PPARGC1A: variants seen among roughly 807,000 people sequenced by gnomAD.
PPARGC1A encodes the protein peroxisome proliferator-activated receptor gamma coactivator 1-alpha.
Under a neutral mutation model 88.7 loss-of-function variants are expected in PPARGC1A, and 25 were observed. The ratio of observed to expected loss-of-function variants is 0.28; its 90% CI spans 0.21 to 0.39. The LOEUF is 0.39. PPARGC1A is among the 10% of genes least tolerant of loss of function. The pLI, the probability that PPARGC1A is intolerant of heterozygous loss-of-function variation, is 1.00. For missense variants in PPARGC1A, 880 were observed against 968.7 expected (o/e 0.91, Z 1.22); for synonymous variants, 363 against 355.6 (o/e 1.02, Z -0.24).
chr4:23,959,524 C>T, the PPARGC1A span, among the ~76,000 whole-genome samples: 1 of 151,992 alleles, frequency 6.6e-6, no homozygotes, highest in African/African-American at 2.4e-5. Flanking sequence ...GTAAAAAATC[C>T]ACTCTGTTTC....
At chr4:24,126,023 G>A in the PPARGC1A span, among the ~76,000 whole-genome samples, 2 of 152,182 alleles carry the variant, frequency 1.3e-5, no homozygotes, top group African/African-American at 4.8e-5. Flanking sequence ...ACCTATTGAT[G>A]TAGTCATCAT....
chr4:24,308,160 C>A, the PPARGC1A span, among the ~76,000 whole-genome samples: 1 of 151,854 alleles, frequency 6.6e-6, no homozygotes, highest in Non-Finnish European at 1.5e-5. Flanking sequence ...GGTGTGGTGG[C>A]ACATGCCTGT....
the PPARGC1A span, among the ~76,000 whole-genome samples, chr4:24,126,055 GA>G: frequency 2.6e-5 from 4 of 152,096 alleles, no homozygotes; most frequent in African/African-American, 9.7e-5. Flanking sequence ...TACAGACAAG[GA>G]AAAGAAAATT....
the PPARGC1A span, among the ~76,000 whole-genome samples, chr4:24,434,515 T>C: frequency 6.6e-6 from 1 of 152,202 alleles, no homozygotes. Flanking sequence ...TTCCAGGCGA[T>C]ATCAGCTGCC....
the PPARGC1A span, among the ~76,000 whole-genome samples, chr4:24,144,553 T>G: frequency 6.6e-6 from 1 of 151,906 alleles, no homozygotes; most frequent in African/African-American, 2.4e-5. Context: ...TGCTGTACCG[T>G]GTCCAGGGAT....
chr4:24,250,477 A>G, the PPARGC1A span, among the ~76,000 whole-genome samples: 3 of 152,236 alleles, frequency 2.0e-5, no homozygotes, highest in African/African-American at 7.2e-5. Flanking sequence ...AAGGTAAATT[A>G]AAATGCCATC....
At chr4:24,070,622 G>T in the PPARGC1A span, among the ~76,000 whole-genome samples, 4 of 152,126 alleles carry the variant, frequency 2.6e-5, no homozygotes, top group South Asian at 8.3e-4. Context: ...AATTCTAGAA[G>T]AATCATTTGT....
chr4:24,039,083 T>C, the PPARGC1A span, among the ~76,000 whole-genome samples: 9 of 152,286 alleles, frequency 5.9e-5, no homozygotes, highest in East Asian at 1.7e-3. Flanking sequence ...TGTCCAAATA[T>C]ATGGACAAAA....
the PPARGC1A span, among the ~76,000 whole-genome samples, chr4:24,457,038 G>C: frequency 0.074 from 11,277 of 152,216 alleles, 662 homozygotes; most frequent in African/African-American, 0.17. Flanking sequence ...AAGTAACAGG[G>C]ATACAATAAG....
the PPARGC1A span, among the ~76,000 whole-genome samples, chr4:24,424,822 C>G: frequency 6.6e-6 from 1 of 152,168 alleles, no homozygotes; most frequent in Non-Finnish European, 1.5e-5. Context: ...CTGTTTGAAT[C>G]TGGATCAATA....
the PPARGC1A span, among the ~76,000 whole-genome samples, chr4:23,946,004 C>T: frequency 3.3e-5 from 5 of 152,010 alleles, no homozygotes; most frequent in South Asian, 2.1e-4. Flanking sequence ...AGCGACAGGC[C>T]GGACCCTCCC....
intron 10 of PPARGC1A, among the ~76,000 whole-genome samples, chr4:23,803,049 C>T (rs1488238591): frequency 6.6e-6 from 1 of 152,102 alleles, no homozygotes; most frequent in East Asian, 1.9e-4. Context: ...TGAAACTGAC[C>T]TGGCTTACAA....
At chr4:24,255,816 G>T in the PPARGC1A span, among the ~76,000 whole-genome samples, 1 of 152,322 alleles carries the variant, frequency 6.6e-6, no homozygotes, top group Admixed American at 6.5e-5. Flanking sequence ...AGATGATGGA[G>T]CAAGTCGCTC....
chr4:23,969,354 A>C, the PPARGC1A span, among the ~76,000 whole-genome samples: 1 of 152,180 alleles, frequency 6.6e-6, no homozygotes, highest in African/African-American at 2.4e-5. Context: ...GTTTTATTGC[A>C]AACAAGGGAA....
the PPARGC1A span, among the ~76,000 whole-genome samples, chr4:23,932,072 A>G: frequency 6.6e-6 from 1 of 152,254 alleles, no homozygotes; most frequent in Non-Finnish European, 1.5e-5. Flanking sequence ...GGTGGTGGTC[A>G]TAGTAGCTAA....
chr4:24,068,568 T>C, the PPARGC1A span, among the ~76,000 whole-genome samples: 1 of 152,174 alleles, frequency 6.6e-6, no homozygotes, highest in Non-Finnish European at 1.5e-5. Context: ...TATGTATGGC[T>C]CAGCCCACAC....
At chr4:24,176,267 G>A in the PPARGC1A span, among the ~76,000 whole-genome samples, 2 of 152,180 alleles carry the variant, frequency 1.3e-5, no homozygotes, top group Non-Finnish European at 2.9e-5. Context: ...GAACAGTGCT[G>A]CCCCCAAACA....
chr4:24,101,798 TC>T, the PPARGC1A span, among the ~76,000 whole-genome samples: 2 of 152,236 alleles, frequency 1.3e-5, no homozygotes, highest in Non-Finnish European at 2.9e-5. Context: ...TTTGTTTTTG[TC>T]CCAGAATACG....
chr4:23,824,970 T>G (rs997869957), intron 5 of PPARGC1A, among the ~76,000 whole-genome samples: 1 of 152,146 alleles, frequency 6.6e-6, no homozygotes, highest in East Asian at 1.9e-4. Context: ...CCAAAGCTCA[T>G]GCAGTAACTA....
Sources: allele counts gnomAD v4.1 joint callset (sites outside exome capture counted in the v4.1 genomes callset), GRCh38; gene constraint gnomAD v4.1.1; transcripts MANE v1.5; gene names NCBI Gene and HGNC (gene_info 2026-07-23, HGNC 2026-07-21).